Variants in LAMB3 observed in about 807,000 individuals in gnomAD.
LAMB3 encodes laminin subunit beta-3.
LAMB3 carries 104 observed loss-of-function variants against 140.3 expected under a neutral mutation model. The ratio of observed to expected loss-of-function variants is 0.74; its 90% confidence interval spans 0.63 to 0.87. LAMB3 has a LOEUF of 0.87. Ranked by LOEUF, LAMB3 falls within the 40% of genes least tolerant of loss-of-function variation. The probability of loss-of-function intolerance (pLI) is 0.00; values close to 1 mark genes in which losing one functional copy is unlikely to be tolerated. For synonymous variants in LAMB3, 592 were observed against 602.9 expected (o/e 0.98, Z 0.26); for missense variants, 1,531 against 1,575.2 (o/e 0.97, Z 0.47).
Position 209,650,898 on chromosome 1 carries a change from G to T in LAMB3, c.28+19C>A. On this transcript the variant is annotated intron_variant, in intron 2 of 22. Transcript: ENST00000356082. ...CCTGCCATATAACAGGGCCTGGAAG[G>T]ATGGGAAGGGGTACTTACCAAAACA... is the stretch of plus-strand genomic sequence containing the variant. 6.2e-7 allele frequency: 1 copy of T among 1,613,298 alleles called. No individual in the cohort carries two copies. The highest frequency in any genetic ancestry group is 8.5e-7 in the Non-Finnish European group (1 of 1,179,216).
Position 209,634,436 on chromosome 1 carries a change from C to T in LAMB3, c.564+11G>A, listed in dbSNP as rs1302875308. 3 of 1,613,468 alleles carry T rather than the reference C, an allele frequency of 1.9e-6. No homozygotes were observed. The South Asian group carries it at 3.3e-5, about 18-fold the overall frequency. Reference sequence around the variant, plus strand: ...TCCCCAGGCCTACTTTTCAGGATTCCCTCTACCTACCTTCCCCCCATTTAG... The same window carrying T: ...TCCCCAGGCCTACTTTTCAGGATTCTCTCTACCTACCTTCCCCCCATTTAG... On this transcript the variant is annotated intron_variant, in intron 6 of 22. Coordinates refer to ENST00000356082, the MANE Select transcript of LAMB3 (RefSeq NM_000228.3).
intron 20 of LAMB3, 62 bp from the exon 21 acceptor site, chr1:209,617,648 C>T: frequency 6.3e-7 from 1 of 1,589,118 alleles, no homozygotes; most frequent in South Asian, 1.1e-5. Flanking sequence ...GGGTTCATCC[C>T]CATTTTTTCT....
rs531205295 is a variant in LAMB3, at chr1:209,646,413, A to T, written c.183+3551T>A. Among the ~76,000 whole-genome samples the T allele has an allele frequency of 2.6e-5, 4 of 152,360 alleles. 1 individual carries two copies. The South Asian group carries it at 8.3e-4, about 32-fold the overall frequency. On this transcript the variant is annotated intron_variant, in intron 3 of 22. Transcript: ENST00000356082. The stretch of plus-strand genomic sequence containing the variant: ...CAGCTCCTTCACTTCACACATGGAA[A>T]AATGGTGGTTTGGTGAAGAGCCCTG...
rs1244758582 is a variant in LAMB3 at position 209,623,330 on chromosome 1, C to A, written c.2359-151G>T. 1.4e-4 allele frequency: 142 copies of A among 1,035,646 alleles called. No individual in the cohort carries two copies. The highest frequency in any genetic ancestry group is 1.5e-6 in the Non-Finnish European group (1 of 675,116). The allele number at this position is 1,035,646 out of a possible 1,614,324, so 64.2% of individuals were successfully genotyped here. ...CTCCATGAGAGCTAAGGACCAGAAA[C>A]TGGTTTCCTTGGCAACCACTGAGCT... On this transcript the variant is annotated intron_variant, in intron 16 of 22. Coordinates refer to ENST00000356082, the MANE Select transcript of LAMB3 (RefSeq NM_000228.3). The surrounding 1 kb of genome is among the most constrained non-coding windows in gnomAD (Gnocchi z 4.2).
At chr1:209,632,337 C>T (rs771783410) in intron 8 of LAMB3, among the ~76,000 whole-genome samples, 1 of 152,198 alleles carries the variant, frequency 6.6e-6, no homozygotes, top group Non-Finnish European at 1.5e-5. Flanking sequence ...TAAACTCCCT[C>T]CCAATTTCCA....
At chr1:209,645,289 T>C (rs1192873010) in intron 3 of LAMB3, among the ~76,000 whole-genome samples, 1 of 152,212 alleles carries the variant, frequency 6.6e-6, no homozygotes, top group Non-Finnish European at 1.5e-5. Flanking sequence ...AGGTCATAGA[T>C]TGATATGGTG....
chr1:209,616,945 G>A (rs932642488), intron 21 of LAMB3, among the ~76,000 whole-genome samples: 10 of 152,332 alleles, frequency 6.6e-5, no homozygotes, highest in African/African-American at 2.4e-4. Flanking sequence ...AGGATTGAAA[G>A]TGCCAATGTT....
rs572206161 is a variant in LAMB3, at chr1:209,617,169, A to T, written c.3228+241T>A. Among the ~76,000 whole-genome samples the T allele has an allele frequency of 2.7e-3, 410 of 152,318 alleles. 2 individuals carry two copies. Among genetic ancestry groups the T allele is most frequent in the African/African-American group, 9.6e-3 (397 of 41,562 alleles). On this transcript the variant is annotated intron_variant, in intron 21 of 22. Coordinates refer to ENST00000356082, the MANE Select transcript of LAMB3 (RefSeq NM_000228.3). The stretch of plus-strand genomic sequence containing the variant: ...AGGCCTGTGAACGAGTCACCACCTC[A>T]TCTGTAAAAGGAAAGGGACTGGACT...
chr1:209,644,957 C>A (rs2076503091), intron 3 of LAMB3, among the ~76,000 whole-genome samples: 1 of 152,182 alleles, frequency 6.6e-6, no homozygotes, highest in Non-Finnish European at 1.5e-5. Flanking sequence ...GCCTGGACCC[C>A]AGAAGCAATG....
intron 14 of LAMB3, 38 bp from the exon 15 acceptor site, chr1:209,624,038 G>A (rs367709616): frequency 9.4e-6 from 15 of 1,595,336 alleles, no homozygotes; most frequent in Non-Finnish European, 1.1e-5. Flanking sequence ...AATATAGGAG[G>A]GAGTTTTGCC....
Position 209,623,273 on chromosome 1 carries a change from A to G in LAMB3, c.2359-94T>C. 9.3e-6 allele frequency: 12 copies of G among 1,288,290 alleles called. No individual in the cohort carries two copies. Among genetic ancestry groups the G allele is most frequent in the South Asian group, 1.2e-5 (1 of 80,668 alleles). The allele number at this position is 1,288,290 out of a possible 1,614,324, so 79.8% of individuals were successfully genotyped here. On this transcript the variant is annotated intron_variant, in intron 16 of 22. Coordinates refer to ENST00000356082, the MANE Select transcript of LAMB3 (RefSeq NM_000228.3). The surrounding 1 kb of genome is among the most constrained non-coding windows in gnomAD (Gnocchi z 4.2). ...GGGAAACCAACAGCCAGACATCTCC[A>G]TGACAACCAAGCACCAGAAACAGCC...
rs1476404662 is a variant in LAMB3, at chr1:209,625,988, A to G, written c.1636T>C (p.Cys546Arg). 1 of 1,613,366 alleles carries G rather than the reference A, an allele frequency of 6.2e-7. No homozygotes were observed. Residue 546 changes from cysteine to arginine, a missense_variant, in exon 14 of 23, where the codon TGC becomes CGC. Physicochemically the swap from Cys to Arg is radical, Grantham distance 180 (BLOSUM62 -3). Transcript: ENST00000356082. Reference protein sequence around the residue: ...CDFRGTEGPGCDKASGRCLCR... With the variant: ...CDFRGTEGPGRDKASGRCLCR... Reference sequence around the variant, plus strand: ...AGGCAGCGGCCTGATGCCTTGTCGCAGCCCGGGCCCTCTGTTCCCCGGAAA... The same window carrying G: ...AGGCAGCGGCCTGATGCCTTGTCGCGGCCCGGGCCCTCTGTTCCCCGGAAA...
intron 18 of LAMB3, among the ~76,000 whole-genome samples, chr1:209,620,352 C>G (rs1571800940): frequency 6.6e-6 from 1 of 152,072 alleles, no homozygotes; most frequent in Non-Finnish European, 1.5e-5. Flanking sequence ...ATGGAAGGGG[C>G]CCCCAGCGCC....
At chr1:209,621,809 T>C (rs997200223) in intron 18 of LAMB3, among the ~76,000 whole-genome samples, 11 of 152,184 alleles carry the variant, frequency 7.2e-5, no homozygotes, top group Admixed American at 2.0e-4. Context: ...GGTTCATTTA[T>C]TCATGCCACC....
At chr1:209,650,236 C>T (rs2076554052) in intron 2 of LAMB3, 118 bp from the exon 3 acceptor site, 3 of 968,002 alleles carry the variant, frequency 3.1e-6, no homozygotes, top group Non-Finnish European at 4.8e-6. Context: ...CTCACTCAAG[C>T]TTCCACTCGC....
At chr1:209,644,215 C>T (rs1424586230) in intron 3 of LAMB3, among the ~76,000 whole-genome samples, 2 of 152,108 alleles carry the variant, frequency 1.3e-5, no homozygotes, top group Non-Finnish European at 2.9e-5. Context: ...GGAGGACAGC[C>T]GTATGTGAGA....
Position 209,628,952 on chromosome 1 carries a change from T to A in LAMB3, c.1133-762A>T, listed in dbSNP as rs1342891126. 3.9e-5 allele frequency among the ~76,000 whole-genome samples: 6 copies of A among 152,318 alleles called. No homozygotes were observed. In the East Asian group the frequency reaches 9.6e-4, roughly 24 times the overall value. ...TATGTCAAATAACTTATTCAAGTTCTCATTACAAGTTCATGCAAGAAACAG... is the reference window on the plus strand; with the variant it reads ...TATGTCAAATAACTTATTCAAGTTCACATTACAAGTTCATGCAAGAAACAG... On this transcript the variant is annotated intron_variant, in intron 10 of 22. Coordinates refer to ENST00000356082, the MANE Select transcript of LAMB3 (RefSeq NM_000228.3).
intron 3 of LAMB3, among the ~76,000 whole-genome samples, chr1:209,647,745 A>T (rs879601623): frequency 1.3e-5 from 2 of 152,164 alleles, no homozygotes; most frequent in Non-Finnish European, 2.9e-5. Context: ...AGAAAACTCA[A>T]TACACGATAT....
At position 209,634,627 on chromosome 1, in the gene LAMB3, G is replaced by A. The variant is rs1130667; in HGVS notation, c.384C>T (p.Pro128=). ...AGGAGCGCTCAATCAGCATGCCGGC[G>A]GGCATGGGCCCCTGTGGAGACAGGG... The part of the protein sequence containing the change: ...EVMMEFQGPM[P]AGMLIERSSD... Residue 128 remains proline (P), a synonymous_variant, in exon 6 of 23, where the codon CCC becomes CCT. Coordinates refer to ENST00000356082, the MANE Select transcript of LAMB3 (RefSeq NM_000228.3). 606,346 of 1,611,392 alleles carry A rather than the reference G, an allele frequency of 0.38. 118,728 individuals are homozygous for A. Among genetic ancestry groups the A allele is most frequent in the Middle Eastern group, 0.46 (2,806 of 6,036 alleles).
Sources: gnomAD v4.1 joint callset for allele counts (sites outside exome capture counted in the v4.1 genomes callset) on GRCh38, gnomAD v4.1.1 for gene constraint, Gnocchi (gnomAD v3.1) non-coding constraint, MANE v1.5 for transcripts, NCBI Gene and HGNC (gene_info 2026-07-23, HGNC 2026-07-21) for gene names.